The following CSGALNACT1 variants were observed in gnomAD, a reference collection of about 807,000 sequenced individuals.
The protein encoded by CSGALNACT1 is beta4GalNAcT-1.
A neutral mutation model predicts 51.0 loss-of-function variants in CSGALNACT1; 52 were observed. That is an observed-to-expected ratio of 1.02 (90% confidence interval 0.82 to 1.29). The LOEUF (loss-of-function observed/expected upper bound fraction) is 1.29. CSGALNACT1 is among the 50% of genes most tolerant of loss of function. The pLI is 0.00. For synonymous variants in CSGALNACT1, 341 were observed against 254.4 expected (o/e 1.34, Z -3.24); for missense variants, 935 against 679.2 (o/e 1.38, Z -4.19).
intron 1 of CSGALNACT1, among the ~76,000 whole-genome samples, chr8:19,745,900 A>G (rs571114483): frequency 6.6e-6 from 1 of 152,254 alleles, no homozygotes; most frequent in South Asian, 2.1e-4. Context: ...GAAAACAGGA[A>G]TTAGGGAGGG....
At chr8:19,662,037 C>A (rs1279166529) in intron 1 of CSGALNACT1, among the ~76,000 whole-genome samples, 2 of 149,656 alleles carry the variant, frequency 1.3e-5, no homozygotes, top group Non-Finnish European at 3.0e-5. Flanking sequence ...CAGCAGCAAC[C>A]CCTTTCCCAC....
intron 1 of CSGALNACT1, among the ~76,000 whole-genome samples, chr8:19,649,832 A>AAAAAAAAAC (rs1554782613): frequency 2.1e-5 from 3 of 146,320 alleles, no homozygotes; most frequent in East Asian, 2.0e-4. Flanking sequence ...AAAAAAAAAA[A>AAAAAAAAAC]AAAAAAAAAA....
At chr8:19,644,627 T>C (rs1280564632) in intron 1 of CSGALNACT1, among the ~76,000 whole-genome samples, 1 of 149,074 alleles carries the variant, frequency 6.7e-6, no homozygotes, top group Non-Finnish European at 1.5e-5. Context: ...GGAGAATTGC[T>C]TGAACCCGGG....
chr8:19,411,198 C>G (rs936313757), intron 8 of CSGALNACT1, among the ~76,000 whole-genome samples: 4 of 152,216 alleles, frequency 2.6e-5, no homozygotes, highest in African/African-American at 9.6e-5. Flanking sequence ...CGTCCTGACC[C>G]TCCTGGCCCA....
intron 1 of CSGALNACT1, among the ~76,000 whole-genome samples, chr8:19,753,962 T>C (rs1398738125): frequency 1.3e-5 from 2 of 152,118 alleles, no homozygotes; most frequent in Admixed American, 1.3e-4. Flanking sequence ...CAAAAACACA[T>C]AGAAGAAAGG....
At chr8:19,654,330 G>A (rs1464202888) in intron 1 of CSGALNACT1, among the ~76,000 whole-genome samples, 1 of 152,156 alleles carries the variant, frequency 6.6e-6, no homozygotes, top group African/African-American at 2.4e-5. Flanking sequence ...AGTTCCAACA[G>A]ACTCAATGTT....
At chr8:19,688,555 T>G (rs956528038) in intron 1 of CSGALNACT1, among the ~76,000 whole-genome samples, 3 of 152,162 alleles carry the variant, frequency 2.0e-5, no homozygotes, top group South Asian at 2.1e-4. Flanking sequence ...AATCCAGAAA[T>G]TATGTCACAT....
At chr8:19,542,641 C>A (rs1320954696) in intron 3 of CSGALNACT1, among the ~76,000 whole-genome samples, 1 of 152,122 alleles carries the variant, frequency 6.6e-6, no homozygotes, top group Non-Finnish European at 1.5e-5. Flanking sequence ...ATGCAAAACA[C>A]ATTTGACTCC....
chr8:19,459,935 G>A (rs2065006498), intron 4 of CSGALNACT1, among the ~76,000 whole-genome samples: 1 of 152,154 alleles, frequency 6.6e-6, no homozygotes, highest in South Asian at 2.1e-4. Flanking sequence ...TTGTCAGGTT[G>A]AAGATATGAA....
chr8:19,589,150 A>T (rs2047277096), intron 3 of CSGALNACT1, among the ~76,000 whole-genome samples: 1 of 152,084 alleles, frequency 6.6e-6, no homozygotes, highest in African/African-American at 2.4e-5. Flanking sequence ...ATGATCCCTG[A>T]TTTCTATTCA....
intron 1 of CSGALNACT1, among the ~76,000 whole-genome samples, chr8:19,639,315 T>C (rs950070132): frequency 6.6e-6 from 1 of 152,234 alleles, no homozygotes; most frequent in Non-Finnish European, 1.5e-5. Context: ...CAAACATGTC[T>C]ACATCATGGG....
chr8:19,623,606 A>G (rs75261704), intron 1 of CSGALNACT1, among the ~76,000 whole-genome samples: 5,359 of 152,340 alleles, frequency 0.035, 159 homozygotes, highest in Non-Finnish European at 0.053. Context: ...GCAGTACTTA[A>G]CAAATCTCTA....
intron 1 of CSGALNACT1, among the ~76,000 whole-genome samples, chr8:19,621,105 A>G (rs1477120353): frequency 6.6e-6 from 1 of 152,246 alleles, no homozygotes; most frequent in Non-Finnish European, 1.5e-5. Flanking sequence ...AATGAATGCT[A>G]GAAGTGATAA....
intron 1 of CSGALNACT1, among the ~76,000 whole-genome samples, chr8:19,625,752 G>T (rs556406287): frequency 6.6e-6 from 1 of 152,158 alleles, no homozygotes; most frequent in African/African-American, 2.4e-5. Context: ...TAAGAGAGGG[G>T]GCCTTAAGGC....
chr8:19,422,370 T>A (rs900012494), intron 6 of CSGALNACT1, among the ~76,000 whole-genome samples: 2 of 152,206 alleles, frequency 1.3e-5, no homozygotes, highest in South Asian at 2.1e-4. Flanking sequence ...TTCTTAAAAA[T>A]TTTTTATAGA....
At chr8:19,503,102 T>C (rs1178814714) in intron 4 of CSGALNACT1, among the ~76,000 whole-genome samples, 1 of 152,224 alleles carries the variant, frequency 6.6e-6, no homozygotes. Flanking sequence ...AATCTTGTGG[T>C]ATTGATAATA....
chr8:19,669,610 G>C (rs2059635422), intron 1 of CSGALNACT1, among the ~76,000 whole-genome samples: 1 of 152,012 alleles, frequency 6.6e-6, no homozygotes, highest in Non-Finnish European at 1.5e-5. Context: ...CTGCCACCAT[G>C]CCTGGCCAGT....
chr8:19,736,612 A>G (rs946248972), intron 1 of CSGALNACT1, among the ~76,000 whole-genome samples: 1 of 152,184 alleles, frequency 6.6e-6, no homozygotes, highest in Non-Finnish European at 1.5e-5. Flanking sequence ...GTATGTCTGT[A>G]CGTTGACATT....
upstream of CSGALNACT1, among the ~76,000 whole-genome samples, chr8:19,686,441 A>C (rs1034813568): frequency 6.6e-6 from 1 of 152,200 alleles, no homozygotes; most frequent in Non-Finnish European, 1.5e-5. Context: ...ACGCATTCTA[A>C]CTGACCTTCC....
Sources: allele counts gnomAD v4.1 joint callset (sites outside exome capture counted in the v4.1 genomes callset), GRCh38; gene constraint gnomAD v4.1.1; transcripts MANE v1.5; gene names NCBI Gene and HGNC (gene_info 2026-07-23, HGNC 2026-07-21).